Variants in RBX1 observed in about 807,000 individuals in gnomAD.
RBX1 encodes the protein ring-box 1.
For missense variants in RBX1, 46 were observed against 141.4 expected, an observed-to-expected ratio of 0.33 and a Z score of 3.42; for synonymous variants, 48 against 47.9, an observed-to-expected ratio of 1.00 and a Z score of -0.01.
At chr22:40,958,125 A>G (rs1482950915) in intron 2 of RBX1, among the ~76,000 whole-genome samples, 2 of 151,760 alleles carry the variant, frequency 1.3e-5, no homozygotes, top group African/African-American at 4.8e-5. Context: ...TCTAGCTGCT[A>G]ATTTTTTAAT....
chr22:40,962,799 TCTC>T (rs1222813562), intron 2 of RBX1, among the ~76,000 whole-genome samples: 2 of 151,422 alleles, frequency 1.3e-5, no homozygotes, highest in Non-Finnish European at 2.9e-5. Context: ...TTCAAGCAAT[TCTC>T]CTGCCTCAGC....
intron 3 of RBX1, chr22:40,966,514 C>T (rs1047105552): frequency 6.6e-6 from 1 of 152,152 alleles, no homozygotes; most frequent in East Asian, 1.9e-4. Flanking sequence ...TTTGCTCTTT[C>T]TCTTTTTCAC....
chr22:40,963,772 G>A (rs956641134), intron 2 of RBX1, among the ~76,000 whole-genome samples: 1 of 152,148 alleles, frequency 6.6e-6, no homozygotes, highest in Admixed American at 6.6e-5. Context: ...CCTAAGCCCA[G>A]GAAGTCAAGG....
intron 2 of RBX1, 89 bp from the exon 3 acceptor site, chr22:40,963,958 A>G (rs1223470498): frequency 2.1e-6 from 2 of 937,312 alleles, no homozygotes; most frequent in Non-Finnish European, 3.5e-6. Context: ...ATTATGGCTA[A>G]TTAACCACTT....
chr22:40,971,170 G>C (rs982059988), intron 4 of RBX1, among the ~76,000 whole-genome samples: 5 of 152,116 alleles, frequency 3.3e-5, no homozygotes, highest in African/African-American at 9.7e-5. Context: ...TAAGAATTGC[G>C]GGGGTATGAA....
chr22:40,963,148 AC>A, intron 2 of RBX1, among the ~76,000 whole-genome samples: 1 of 152,018 alleles, frequency 6.6e-6, no homozygotes, highest in East Asian at 1.9e-4. Flanking sequence ...CCATAGTTTT[AC>A]TATTTTTCAC....
intron 2 of RBX1, among the ~76,000 whole-genome samples, chr22:40,954,270 C>CAAA (rs138624516): frequency 3.0e-5 from 4 of 133,544 alleles, no homozygotes; most frequent in East Asian, 4.1e-4. Context: ...CTCAAAGTCT[C>CAAA]AAAAAAAAAA....
intron 3 of RBX1, chr22:40,967,034 C>CT (rs1212704067): frequency 6.6e-6 from 1 of 152,160 alleles, no homozygotes; most frequent in African/African-American, 2.4e-5. Flanking sequence ...TCTTGATACT[C>CT]TTGTCTTTTT....
Position 40,951,423 on chromosome 22 carries a change from A to G in RBX1, c.25A>G (p.Thr9Ala). The G allele has an allele frequency of 6.2e-7, 1 of 1,613,422 alleles. No individual in the cohort carries two copies. The highest frequency in any genetic ancestry group is 8.5e-7 in the Non-Finnish European group (1 of 1,179,760). The change falls in exon 1 of 5, where the codon ACC becomes GCC. Residue 9 changes from threonine (T) to alanine (A), a missense_variant. Physicochemically the swap from Thr to Ala is moderately conservative, Grantham distance 58. Coordinates refer to ENST00000216225, the MANE Select transcript of RBX1 (RefSeq NM_014248.4). The part of the protein sequence containing the change: MAAAMDVD[T>A]PSGTNSGAGK... ...AATGGCGGCAGCGATGGATGTGGATACCCCGAGCGGCACCAACAGCGGCGC... is the reference window on the plus strand; with the variant it reads ...AATGGCGGCAGCGATGGATGTGGATGCCCCGAGCGGCACCAACAGCGGCGC...
chr22:40,971,204 C>G (rs993850863), intron 4 of RBX1, among the ~76,000 whole-genome samples: 2 of 152,174 alleles, frequency 1.3e-5, no homozygotes, highest in African/African-American at 4.8e-5. Flanking sequence ...GGGGCTTTGA[C>G]TCTGCCACTC....
At position 40,953,547 on chromosome 22, in the gene RBX1, C is replaced by T. The variant is rs1277329469; in HGVS notation, c.79-8C>T. On this transcript the variant is annotated splice_polypyrimidine_tract_variant and splice_region_variant and intron_variant, in intron 1 of 4. Coordinates refer to ENST00000216225, the MANE Select transcript of RBX1 (RefSeq NM_014248.4). ...AGAATGCACTGTTCCCTCTTTTTGT[C>T]TTTGCAGTGGAATGCAGTAGCCCTC... The T allele has an allele frequency of 1.9e-6, 3 of 1,600,430 alleles. No individual in the cohort carries two copies. The Admixed American group carries it at 5.0e-5, about 27-fold the overall frequency.
At chr22:40,964,300 A>T (rs949275680) in intron 3 of RBX1, 183 bp downstream of exon 3, 15 of 506,330 alleles carry the variant, frequency 3.0e-5, no homozygotes, top group Non-Finnish European at 4.6e-5. Context: ...TAAAAATTAC[A>T]GTTACTGCAA....
At chr22:40,954,008 A>T (rs887272940) in intron 2 of RBX1, among the ~76,000 whole-genome samples, 4 of 152,236 alleles carry the variant, frequency 2.6e-5, no homozygotes, top group African/African-American at 9.6e-5. Flanking sequence ...GCAGTGGCTC[A>T]TGCTTGTAAT....
intron 2 of RBX1, 149 bp from the exon 3 acceptor site, chr22:40,963,898 T>A: frequency 1.6e-6 from 1 of 636,718 alleles, no homozygotes; most frequent in Non-Finnish European, 2.9e-6. Flanking sequence ...GAAAGCATAC[T>A]GTTATCTCTG....
chr22:40,951,539 C>T, intron 1 of RBX1, 63 bp downstream of exon 1: 1 of 1,465,524 alleles, frequency 6.8e-7, no homozygotes, highest in Non-Finnish European at 9.4e-7. Context: ...CTGGCAGGCC[C>T]GAGGATGGTC....
In RBX1 at chr22:40,957,866, C is replaced by G. The variant is rs139446058; in HGVS notation, c.157+4233C>G. On this transcript the variant is annotated intron_variant, in intron 2 of 4. Transcript: ENST00000216225. ...TTGGAGGCGGAGTCTCACACTGTCA[C>G]CCAGCTGGAGTGCAGTGGCACGATC... 9.9e-5 allele frequency among the ~76,000 whole-genome samples: 15 copies of G among 152,014 alleles called. No individual in the cohort carries two copies. The East Asian group carries it at 2.9e-3, about 30-fold the overall frequency.
chr22:40,971,447 T>C (rs1281870753), intron 4 of RBX1, among the ~76,000 whole-genome samples: 1 of 152,206 alleles, frequency 6.6e-6, no homozygotes, highest in Non-Finnish European at 1.5e-5. Context: ...ATTATTTTAA[T>C]CAGGTTAACT....
At chr22:40,959,125 T>G (rs950299119) in intron 2 of RBX1, among the ~76,000 whole-genome samples, 3 of 152,106 alleles carry the variant, frequency 2.0e-5, no homozygotes, top group African/African-American at 7.2e-5. Context: ...CCCGTCAGTG[T>G]TTTGAAAGTG....
chr22:40,959,047 C>T lies in RBX1; in HGVS notation c.158-5000C>T, dbSNP rs115827219. On this transcript the variant is annotated intron_variant, in intron 2 of 4. Coordinates refer to ENST00000216225, the MANE Select transcript of RBX1 (RefSeq NM_014248.4). ...CAGTCTGGTCTCTTTAACTCCTGACCTCGAGTGATCCACCCGGCTCGGCCT... is the reference window on the plus strand; with the variant it reads ...CAGTCTGGTCTCTTTAACTCCTGACTTCGAGTGATCCACCCGGCTCGGCCT... Among the ~76,000 whole-genome samples, 810 of 152,260 alleles carry T rather than the reference C, an allele frequency of 5.3e-3. 9 individuals are homozygous for T. Among genetic ancestry groups the T allele is most frequent in the African/African-American group, 0.018 (767 of 41,538 alleles).
Sources: gnomAD v4.1 joint callset for allele counts (sites outside exome capture counted in the v4.1 genomes callset) on GRCh38, gnomAD v4.1.1 for gene constraint, MANE v1.5 for transcripts, NCBI Gene and HGNC (gene_info 2026-07-23, HGNC 2026-07-21) for gene names.